The following PCLO variants were observed in gnomAD, a reference collection of about 807,000 sequenced individuals.
The protein encoded by PCLO is protein piccolo.
A neutral mutation model predicts 427.5 loss-of-function variants in PCLO; 82 were observed. That is an observed-to-expected ratio of 0.19 (90% CI 0.16 to 0.23). The LOEUF (loss-of-function observed/expected upper bound fraction) is 0.23. Among genes scored for constraint, PCLO ranks in the 10% least tolerant of loss-of-function variants. The pLI, the probability that PCLO is intolerant of heterozygous loss-of-function variation, is 1.00. For synonymous variants in PCLO, 2,357 were observed against 2,155.4 expected, an observed-to-expected ratio of 1.09 and a Z score of -2.59; for missense variants, 6,239 against 6,115.9, an observed-to-expected ratio of 1.02 and a Z score of -0.67.
intron 3 of PCLO, among the ~76,000 whole-genome samples, chr7:83,069,299 G>A (rs1039677773): frequency 3.3e-5 from 5 of 152,042 alleles, no homozygotes; most frequent in African/African-American, 9.7e-5. Context: ...TTTGCATCCT[G>A]TGAATACTGT....
chr7:82,783,441 C>T (rs1231971176), intron 22 of PCLO, among the ~76,000 whole-genome samples: 3 of 152,028 alleles, frequency 2.0e-5, no homozygotes, highest in Non-Finnish European at 2.9e-5. Context: ...GGTGAAGCCC[C>T]GTCTCCACTA....
chr7:82,760,136 T>G (rs1042636517), intron 24 of PCLO, among the ~76,000 whole-genome samples: 1 of 151,840 alleles, frequency 6.6e-6, no homozygotes, highest in Non-Finnish European at 1.5e-5. Context: ...ATTAAGTGAG[T>G]GGAAAAGTAT....
intron 3 of PCLO, among the ~76,000 whole-genome samples, chr7:83,081,065 T>C (rs10954702): frequency 0.28 from 42,757 of 151,828 alleles, 7,100 homozygotes; most frequent in East Asian, 0.56. Flanking sequence ...GTAAAACCAC[T>C]GATAAGGGGT....
At chr7:83,099,475 G>T (rs569892227) in intron 3 of PCLO, among the ~76,000 whole-genome samples, 2 of 149,746 alleles carry the variant, frequency 1.3e-5, no homozygotes, top group African/African-American at 4.9e-5. Flanking sequence ...TGCAACCTCC[G>T]CCTCCCGGAT....
intron 10 of PCLO, 112 bp downstream of exon 10, chr7:82,879,225 A>G (rs979294032): frequency 3.6e-6 from 3 of 826,438 alleles, no homozygotes; most frequent in Admixed American, 7.1e-5. Context: ...ACTAACCATA[A>G]GGAGAGAGGT....
At chr7:83,029,035 G>T (rs1788584939) in intron 3 of PCLO, among the ~76,000 whole-genome samples, 1 of 152,096 alleles carries the variant, frequency 6.6e-6, no homozygotes, top group Non-Finnish European at 1.5e-5. Flanking sequence ...TACCATTCAG[G>T]ACTTAGGCAT....
intron 10 of PCLO, among the ~76,000 whole-genome samples, chr7:82,866,558 G>A (rs902950127): frequency 3.5e-4 from 53 of 151,684 alleles, no homozygotes; most frequent in Admixed American, 1.4e-3. Context: ...CAGTGACTAC[G>A]ATTTGGGGAA....
At chr7:82,786,474 A>G (rs1177687250) in intron 22 of PCLO, among the ~76,000 whole-genome samples, 1 of 152,218 alleles carries the variant, frequency 6.6e-6, no homozygotes, top group Non-Finnish European at 1.5e-5. Flanking sequence ...AGGAACATAA[A>G]ATTGTATATT....
chr7:82,872,660 G>A (rs1793265339), intron 10 of PCLO, among the ~76,000 whole-genome samples: 1 of 152,070 alleles, frequency 6.6e-6, no homozygotes, highest in African/African-American at 2.4e-5. Flanking sequence ...ATGGTCACAA[G>A]GAGACTACGT....
intron 3 of PCLO, among the ~76,000 whole-genome samples, chr7:83,006,369 AATAG>A (rs1213024677): frequency 6.6e-6 from 1 of 151,622 alleles, no homozygotes; most frequent in Non-Finnish European, 1.5e-5. Flanking sequence ...TGGTAAAGTT[AATAG>A]ATAGTTTTAT....
intron 3 of PCLO, among the ~76,000 whole-genome samples, chr7:82,991,020 G>C (rs547867744): frequency 1.3e-5 from 2 of 152,094 alleles, no homozygotes; most frequent in Non-Finnish European, 2.9e-5. Flanking sequence ...GTAAAAAGTA[G>C]TCATTTGTTA....
intron 3 of PCLO, among the ~76,000 whole-genome samples, chr7:83,069,719 C>T (rs961692884): frequency 4.6e-5 from 7 of 151,304 alleles, no homozygotes; most frequent in South Asian, 4.2e-4. Flanking sequence ...TACACATGAT[C>T]ATAAATGTCA....
chr7:83,038,052 T>TA lies in PCLO; in HGVS notation c.3301-71566_3301-71565insT, dbSNP rs1345867125. 1.3e-3 allele frequency among the ~76,000 whole-genome samples: 52 copies of TA among 40,430 alleles called. 1 individual carries two copies. Among genetic ancestry groups the TA allele is most frequent in the African/African-American group, 9.1e-3 (45 of 4,950 alleles). 26.5% of individuals were successfully genotyped at this position (40,430 alleles called of 152,430 possible). ...ATATTTATATATTTATATATATATC[T>TA]TTATATATATATTTATATATTTATA... On this transcript the variant is annotated intron_variant, in intron 3 of 24. Transcript: ENST00000333891.
Position 82,954,513 on chromosome 7 carries a change from G to A in PCLO, c.6440C>T (p.Thr2147Ile), listed in dbSNP as rs1416924560. 1 of 1,613,812 alleles carries A rather than the reference G, an allele frequency of 6.2e-7. No homozygotes were observed. The highest frequency in any genetic ancestry group is 2.2e-5 in the East Asian group (1 of 44,880). The change falls in exon 5 of 25, where the codon ACC (threonine) becomes ATC (isoleucine). Residue 2147 changes from threonine (T) to isoleucine (I), a missense_variant. Thr to Ile is a moderately conservative substitution (Grantham distance 89). Transcript: ENST00000333891. ...STEEIEDEYV[T>I]DYTREIQEII... ...CTCTTGAATTTCTCTTGTATAATCGGTTACATATTCATCCTCAATTTCTTC... is the reference window on the plus strand; with the variant it reads ...CTCTTGAATTTCTCTTGTATAATCGATTACATATTCATCCTCAATTTCTTC...
intron 6 of PCLO, among the ~76,000 whole-genome samples, chr7:82,947,242 T>C (rs1010843059): frequency 1.3e-5 from 2 of 152,048 alleles, no homozygotes; most frequent in Admixed American, 6.6e-5. Flanking sequence ...TCTGACAGAG[T>C]ATAAAACTTA....
At chr7:83,017,716 A>G (rs1056303076) in intron 3 of PCLO, among the ~76,000 whole-genome samples, 3 of 152,044 alleles carry the variant, frequency 2.0e-5, no homozygotes, top group Non-Finnish European at 4.4e-5. Context: ...TTTTCAGAGA[A>G]AAGAGACATT....
chr7:82,978,169 C>T (rs1308877582), intron 3 of PCLO, among the ~76,000 whole-genome samples: 1 of 146,812 alleles, frequency 6.8e-6, no homozygotes, highest in Non-Finnish European at 1.5e-5. Flanking sequence ...GAGACCCCCA[C>T]CCCCCCGGCA....
intron 3 of PCLO, among the ~76,000 whole-genome samples, chr7:83,036,665 AC>A (rs1355455451): frequency 6.6e-6 from 1 of 152,100 alleles, no homozygotes; most frequent in Non-Finnish European, 1.5e-5. Flanking sequence ...CCTATTTGTC[AC>A]ATCTGCTATA....
chr7:83,125,700 A>G (rs934617569), intron 3 of PCLO, among the ~76,000 whole-genome samples: 4 of 152,164 alleles, frequency 2.6e-5, no homozygotes, highest in African/African-American at 9.7e-5. Flanking sequence ...GCTCCTTAAG[A>G]GTCATCGCCA....
Sources: gnomAD v4.1 joint callset for allele counts (sites outside exome capture counted in the v4.1 genomes callset) on GRCh38, gnomAD v4.1.1 for gene constraint, MANE v1.5 for transcripts, NCBI Gene and HGNC (gene_info 2026-07-23, HGNC 2026-07-21) for gene names.